CSMD1: variants seen among roughly 807,000 people sequenced by gnomAD.
The protein encoded by CSMD1 is CUB and sushi domain-containing protein 1.
Under a neutral mutation model 417.5 loss-of-function variants are expected in CSMD1, and 213 were observed. That is an observed-to-expected ratio of 0.51 (90% CI 0.46 to 0.57). CSMD1 has a LOEUF of 0.57. Among genes scored for constraint, CSMD1 ranks in the 20% least tolerant of loss-of-function variants. The pLI, the probability that CSMD1 is intolerant of heterozygous loss-of-function variation, is 0.00. For synonymous variants in CSMD1, 2,862 were observed against 1,736.8 expected, an observed-to-expected ratio of 1.65 and a Z score of -16.11; for missense variants, 6,923 against 4,529.7, an observed-to-expected ratio of 1.53 and a Z score of -15.17.
rs149522240 is a variant in CSMD1, at chr8:2,973,101, G to A, written c.8923+16C>T. Reference sequence around the variant, plus strand: ...TTTAACTTTCAAGGTGGACCTTAAGGCTTCTGGCTACTCACCCTCACACAC... The same window carrying A: ...TTTAACTTTCAAGGTGGACCTTAAGACTTCTGGCTACTCACCCTCACACAC... On this transcript the variant is annotated intron_variant, in intron 57 of 69. Transcript: ENST00000635120. 10 of 1,610,412 alleles carry A rather than the reference G, an allele frequency of 6.2e-6. No homozygotes were observed. The African/African-American group carries it at 1.2e-4, about 19-fold the overall frequency.
At chr8:4,044,754 C>T (rs974234710) in intron 3 of CSMD1, among the ~76,000 whole-genome samples, 1 of 149,990 alleles carries the variant, frequency 6.7e-6, no homozygotes, top group African/African-American at 2.5e-5. Flanking sequence ...ATGTACCACC[C>T]TGGCCACATA....
At chr8:3,959,237 C>G (rs907325997) in intron 5 of CSMD1, among the ~76,000 whole-genome samples, 1 of 152,206 alleles carries the variant, frequency 6.6e-6, no homozygotes, top group African/African-American at 2.4e-5. Flanking sequence ...GGGTGGGACA[C>G]GTGTGTAATC....
chr8:3,953,415 T>G (rs182610787), intron 5 of CSMD1, among the ~76,000 whole-genome samples: 2 of 152,178 alleles, frequency 1.3e-5, no homozygotes, highest in Non-Finnish European at 2.9e-5. Context: ...AATGAGTATA[T>G]AGAATGTTTC....
chr8:4,503,880 A>G (rs1290402834), intron 2 of CSMD1, among the ~76,000 whole-genome samples: 1 of 150,782 alleles, frequency 6.6e-6, no homozygotes, highest in East Asian at 2.0e-4. Flanking sequence ...TAAACAAGAG[A>G]TTTTCCTCTC....
intron 1 of CSMD1, among the ~76,000 whole-genome samples, chr8:4,757,959 C>CA (rs35869578): frequency 0.16 from 11,193 of 71,110 alleles, 707 homozygotes; most frequent in East Asian, 0.32. Context: ...GACTTTGTCT[C>CA]AAAAAAAAAA....
chr8:4,453,218 C>CAGAG (rs1437852052), intron 2 of CSMD1, among the ~76,000 whole-genome samples: 3 of 45,684 alleles, frequency 6.6e-5, no homozygotes, highest in Non-Finnish European at 9.8e-5. Context: ...CACACAGAGA[C>CAGAG]ACACACACAC....
intron 1 of CSMD1, among the ~76,000 whole-genome samples, chr8:4,824,399 C>A (rs749216807): frequency 6.6e-6 from 1 of 151,958 alleles, no homozygotes; most frequent in African/African-American, 2.4e-5. Context: ...GTGATTAAGT[C>A]CCTGAGACCT....
intron 21 of CSMD1, among the ~76,000 whole-genome samples, chr8:3,351,133 T>C (rs7817700): frequency 0.46 from 69,256 of 152,042 alleles, 15,978 homozygotes; most frequent in Admixed American, 0.52. Context: ...TTAAGATTTC[T>C]CAGTGAATAT....
At position 4,398,640 on chromosome 8, in the gene CSMD1, C is replaced by CCG. The variant is rs1804434209; in HGVS notation, c.415+21312_415+21313insCG. Among the ~76,000 whole-genome samples the CCG allele has an allele frequency of 1.1e-4, 17 of 152,136 alleles. No homozygotes were observed. The South Asian group carries it at 1.2e-3, about 11-fold the overall frequency. The stretch of plus-strand genomic sequence containing the variant: ...TCGATCTCCTGACCTCCTGATCTGC[C>CCG]CCTCTTGGCCTCCCAAAGTGCTGGG... On this transcript the variant is annotated intron_variant, in intron 3 of 69. Transcript: ENST00000635120.
intron 3 of CSMD1, among the ~76,000 whole-genome samples, chr8:4,353,741 G>C (rs1035748837): frequency 7.1e-6 from 1 of 141,226 alleles, no homozygotes; most frequent in African/African-American, 2.6e-5. Flanking sequence ...TGGGGTTCAT[G>C]GAGATTTCTT....
At chr8:4,256,375 T>C (rs1803454976) in intron 3 of CSMD1, among the ~76,000 whole-genome samples, 1 of 152,190 alleles carries the variant, frequency 6.6e-6, no homozygotes, top group African/African-American at 2.4e-5. Flanking sequence ...TACATTGCTC[T>C]GATTACTACA....
intron 3 of CSMD1, among the ~76,000 whole-genome samples, chr8:4,060,693 G>T (rs1388984795): frequency 6.6e-6 from 1 of 152,056 alleles, no homozygotes; most frequent in Non-Finnish European, 1.5e-5. Context: ...CCTGAGAAAT[G>T]CCTGCTCCTC....
At chr8:2,964,178 G>C (rs1273547760) in intron 59 of CSMD1, among the ~76,000 whole-genome samples, 1 of 152,234 alleles carries the variant, frequency 6.6e-6, no homozygotes. Flanking sequence ...GGTAGCAGAA[G>C]GCACTACAAA....
At chr8:2,941,084 C>G (rs541591849) in intron 69 of CSMD1, among the ~76,000 whole-genome samples, 7 of 152,156 alleles carry the variant, frequency 4.6e-5, no homozygotes, top group African/African-American at 1.7e-4. Flanking sequence ...GCTCATCGGA[C>G]TTGTGTGTAT....
intron 2 of CSMD1, among the ~76,000 whole-genome samples, chr8:4,506,455 C>A (rs1208734123): frequency 6.6e-6 from 1 of 152,112 alleles, no homozygotes; most frequent in Non-Finnish European, 1.5e-5. Flanking sequence ...CCACTCCCCT[C>A]CCCTATGCTA....
intron 3 of CSMD1, among the ~76,000 whole-genome samples, chr8:4,186,280 A>T (rs764402322): frequency 2.0e-5 from 3 of 152,050 alleles, no homozygotes; most frequent in Non-Finnish European, 4.4e-5. Flanking sequence ...ATTACAAGAG[A>T]AGGAGGCCCG....
chr8:4,832,221 G>A (rs1042311544), intron 1 of CSMD1, among the ~76,000 whole-genome samples: 3 of 152,176 alleles, frequency 2.0e-5, no homozygotes, highest in Non-Finnish European at 4.4e-5. Context: ...GGAGGTGAGA[G>A]GCTGGGATTT....
intron 5 of CSMD1, among the ~76,000 whole-genome samples, chr8:3,822,157 T>G (rs1801771636): frequency 6.6e-6 from 1 of 152,178 alleles, no homozygotes; most frequent in Non-Finnish European, 1.5e-5. Context: ...TTCTCCTTTC[T>G]GAGCCAACCC....
At chr8:3,342,940 T>A (rs1807756765) in intron 23 of CSMD1, among the ~76,000 whole-genome samples, 1 of 152,018 alleles carries the variant, frequency 6.6e-6, no homozygotes, top group South Asian at 2.1e-4. Context: ...TTACCTCCGG[T>A]TGTATCAAAC....
Sources: gnomAD v4.1 joint callset for allele counts (sites outside exome capture counted in the v4.1 genomes callset) on GRCh38, gnomAD v4.1.1 for gene constraint, MANE v1.5 for transcripts, NCBI Gene and HGNC (gene_info 2026-07-23, HGNC 2026-07-21) for gene names.